The following SPICE1 variants were observed in gnomAD, a reference collection of about 807,000 sequenced individuals.
SPICE1 encodes the protein spindle and centriole associated protein 1, also known as spindle and centriole-associated protein 1.
SPICE1 carries 75 observed loss-of-function variants against 102.7 expected under a neutral mutation model. The observed-to-expected ratio is 0.73, with a 90% CI of 0.61 to 0.88. SPICE1 has a LOEUF of 0.88. Among genes scored for constraint, SPICE1 ranks in the 40% least tolerant of loss-of-function variants. The probability of loss-of-function intolerance (pLI) is 0.00; values close to 1 mark genes in which losing one functional copy is unlikely to be tolerated. For synonymous variants in SPICE1, 308 were observed against 350.3 expected, an observed-to-expected ratio of 0.88 and a Z score of 1.35; for missense variants, 979 against 1,020.1, an observed-to-expected ratio of 0.96 and a Z score of 0.55.
chr3:113,478,552 A>C (rs1193700363), intron 7 of SPICE1, among the ~76,000 whole-genome samples: 1 of 152,196 alleles, frequency 6.6e-6, no homozygotes, highest in African/African-American at 2.4e-5. Context: ...AAAAACATGG[A>C]CCAAAAAACA....
Position 113,468,257 on chromosome 3 carries a change from T to C in SPICE1, c.1037A>G (p.Glu346Gly), listed in dbSNP as rs1165370199. ...HMIHEVEHEM[E>G]EYERWTGREV... The stretch of plus-strand genomic sequence containing the variant: ...GCGACCTGTCCACCGCTCATATTCT[T>C]CCATTTCATGTTCCACTTCATGTAT... The change falls in exon 10 of 18, where the codon GAA becomes GGA. Residue 346 changes from glutamate (E) to glycine (G), a missense_variant. Coordinates refer to ENST00000295872, the MANE Select transcript of SPICE1 (RefSeq NM_144718.4). The C allele has an allele frequency of 9.3e-6, 15 of 1,614,048 alleles. No homozygotes were observed. In the Admixed American group the frequency reaches 2.5e-4, roughly 27 times the overall value.
At chr3:113,506,836 T>G (rs564530084) in intron 1 of SPICE1, among the ~76,000 whole-genome samples, 1 of 152,294 alleles carries the variant, frequency 6.6e-6, no homozygotes, top group South Asian at 2.1e-4. Context: ...AACTTATATA[T>G]TTGATTAAAA....
At chr3:113,464,476 A>G (rs1936006144) in intron 11 of SPICE1, among the ~76,000 whole-genome samples, 1 of 151,926 alleles carries the variant, frequency 6.6e-6, no homozygotes, top group Admixed American at 6.6e-5. Flanking sequence ...GGCTGATCTC[A>G]AACTCCTGGC....
At chr3:113,512,405 C>CTTTTTTTTTT (rs34015506) in intron 1 of SPICE1, among the ~76,000 whole-genome samples, 1 of 104,410 alleles carries the variant, frequency 9.6e-6, no homozygotes, top group Non-Finnish European at 1.9e-5. Flanking sequence ...GAAAAGCTTT[C>CTTTTTTTTTT]TTTTTTTTTT....
chr3:113,475,913 T>C lies in SPICE1; in HGVS notation c.612-6675A>G, dbSNP rs576127568. 2.1e-3 allele frequency among the ~76,000 whole-genome samples: 318 copies of C among 152,218 alleles called. 4 individuals carry two copies. The highest frequency in any genetic ancestry group is 7.3e-3 in the African/African-American group (302 of 41,516). On this transcript the variant is annotated intron_variant, in intron 7 of 17. Coordinates refer to ENST00000295872, the MANE Select transcript of SPICE1 (RefSeq NM_144718.4). ...CCTCTCTCACTACTCCTATTCAACA[T>C]AGTGTTGGAAGTTCTGGCCAGGGCA...
intron 14 of SPICE1, among the ~76,000 whole-genome samples, chr3:113,452,515 C>T (rs988757082): frequency 1.3e-5 from 2 of 151,962 alleles, no homozygotes; most frequent in African/African-American, 4.8e-5. Flanking sequence ...GAAACCCCGC[C>T]TCTACAAAAA....
Position 113,468,338 on chromosome 3 carries a change from G to T in SPICE1, c.956C>A (p.Thr319Asn). 1 of 1,614,172 alleles carries T rather than the reference G, an allele frequency of 6.2e-7. No individual in the cohort carries two copies. The highest frequency in any genetic ancestry group is 8.5e-7 in the Non-Finnish European group (1 of 1,180,044). Residue 319 changes from threonine (T) to asparagine (N), a missense_variant, in exon 10 of 18, where the codon ACC becomes AAC. By Grantham distance (65) the Thr-to-Asn change is moderately conservative. Coordinates refer to ENST00000295872, the MANE Select transcript of SPICE1 (RefSeq NM_144718.4). ...PKKNISSGST[T>N]SADLPNRTNS... ...AGTCCTATTTGGTAAGTCTGCAGAGGTTGTGCTACCTGATGATATGTTTTT... is the reference window on the plus strand; with the variant it reads ...AGTCCTATTTGGTAAGTCTGCAGAGTTTGTGCTACCTGATGATATGTTTTT...
chr3:113,468,137 A>AC lies in SPICE1; in HGVS notation c.1155+1dup. 6.2e-7 allele frequency: 1 copy of AC among 1,614,052 alleles called. No individual in the cohort carries two copies. The highest frequency in any genetic ancestry group is 1.7e-5 in the Admixed American group (1 of 60,012). On this transcript the variant is annotated splice_donor_variant, in intron 10 of 17. Coordinates refer to ENST00000295872, the MANE Select transcript of SPICE1 (RefSeq NM_144718.4). LOFTEE classifies it high-confidence loss of function. ...AAGACTCTACTAACCTAATGTCCTT[A>AC]CCTCTTTAAGGTACCGAACCAGGCG...
chr3:113,468,816 A>G lies in SPICE1; in HGVS notation c.835T>C (p.Tyr279His). Residue 279 changes from tyrosine to histidine, a missense_variant, in exon 9 of 18, where the codon TAC becomes CAC. Transcript: ENST00000295872. The part of the protein sequence containing the change: ...EESTETLDSS[Y>H]VVGHVLNSRK... ...GAGTTCAGCACGTGTCCCACAACGT[A>G]GCTTGAGTCTAGAGTCTCAGTAGAT... 1 of 1,614,200 alleles carries G rather than the reference A, an allele frequency of 6.2e-7. No individual in the cohort carries two copies. The highest frequency in any genetic ancestry group is 8.5e-7 in the Non-Finnish European group (1 of 1,180,026).
Position 113,444,650 on chromosome 3 carries a change from T to C in SPICE1, c.*657A>G, listed in dbSNP as rs888424606. 4 of 152,202 alleles carry C rather than the reference T, an allele frequency of 2.6e-5. No homozygotes were observed. The highest frequency in any genetic ancestry group is 5.9e-5 in the Non-Finnish European group (4 of 68,034). The allele number at this position is 152,202 out of a possible 1,614,324, so 9.4% of individuals were successfully genotyped here. ...ACATTTAGGCATTTGAGCTCTAGAA[T>C]CATATTTATTTGATTTGCATTACCA... On this transcript the variant is annotated 3_prime_UTR_variant, in exon 18 of 18. Transcript: ENST00000295872.
chr3:113,486,210 C>CATATATATATATATATAT (rs60309507), intron 7 of SPICE1, among the ~76,000 whole-genome samples: 413 of 140,972 alleles, frequency 2.9e-3, no homozygotes, highest in East Asian at 5.7e-3. Flanking sequence ...TGACCATTCT[C>CATATATATATATATATAT]ATATATATAT....
chr3:113,514,716 C>G (rs2306069), intron 1 of SPICE1, 181 bp downstream of exon 1: 3 of 1,246,364 alleles, frequency 2.4e-6, no homozygotes, highest in South Asian at 1.2e-5. Context: ...CGCTCCCGGT[C>G]CCAAAGCACC....
At chr3:113,507,772 G>A (rs1162896504) in intron 1 of SPICE1, among the ~76,000 whole-genome samples, 1 of 152,162 alleles carries the variant, frequency 6.6e-6, no homozygotes, top group African/African-American at 2.4e-5. Flanking sequence ...TAAGCCAGAT[G>A]CTATTCTAAG....
chr3:113,457,860 T>C (rs1454585830), intron 12 of SPICE1, among the ~76,000 whole-genome samples: 1 of 152,184 alleles, frequency 6.6e-6, no homozygotes, highest in Non-Finnish European at 1.5e-5. Flanking sequence ...GGGTTCACCA[T>C]GCTGCCTAGG....
chr3:113,506,831 A>T (rs1415030657), intron 1 of SPICE1, among the ~76,000 whole-genome samples: 1 of 152,234 alleles, frequency 6.6e-6, no homozygotes, highest in African/African-American at 2.4e-5. Context: ...TCAATAACTT[A>T]TATATTTGAT....
chr3:113,455,833 C>T (rs1457244805), intron 13 of SPICE1, among the ~76,000 whole-genome samples: 2 of 152,112 alleles, frequency 1.3e-5, no homozygotes, highest in Non-Finnish European at 2.9e-5. Flanking sequence ...TATAGCAATC[C>T]CTGACAAATT....
At chr3:113,472,032 C>G (rs567546013) in intron 7 of SPICE1, among the ~76,000 whole-genome samples, 60 of 152,340 alleles carry the variant, frequency 3.9e-4, no homozygotes, top group African/African-American at 1.4e-3. Context: ...GTTCCCTTTC[C>G]TAGTCAAAGA....
intron 7 of SPICE1, among the ~76,000 whole-genome samples, chr3:113,484,743 CTGTT>C (rs1353521806): frequency 2.6e-5 from 4 of 151,896 alleles, no homozygotes; most frequent in Admixed American, 6.6e-5. Context: ...GTCGGAGAGA[CTGTT>C]TGTTATGATT....
intron 1 of SPICE1, among the ~76,000 whole-genome samples, chr3:113,513,675 G>T (rs1937263576): frequency 6.6e-6 from 1 of 152,090 alleles, no homozygotes. Flanking sequence ...TCAGATAACA[G>T]AATCTATTAA....
Sources: gnomAD v4.1 joint callset for allele counts (sites outside exome capture counted in the v4.1 genomes callset) on GRCh38, gnomAD v4.1.1 for gene constraint, MANE v1.5 for transcripts, NCBI Gene and HGNC (gene_info 2026-07-23, HGNC 2026-07-21) for gene names.